LONRF2: variants seen among roughly 807,000 people sequenced by gnomAD.
LONRF2 encodes LON peptidase N-terminal domain and RING finger protein 2.
Under a neutral mutation model 66.6 loss-of-function variants are expected in LONRF2, and 35 were observed. The ratio of observed to expected loss-of-function variants is 0.53; its 90% CI spans 0.40 to 0.70. The LOEUF (loss-of-function observed/expected upper bound fraction) is 0.70, where lower values mean the gene tolerates loss of function less well. Ranked by LOEUF, LONRF2 falls within the 30% of genes least tolerant of loss-of-function variation. The pLI is 0.00. For missense variants in LONRF2, 902 were observed against 1,002.1 expected (o/e 0.90, Z 1.35); for synonymous variants, 417 against 418.1 (o/e 1.00, Z 0.03).
chr2:100,295,703 A>G, intron 7 of LONRF2, 150 bp from the exon 8 acceptor site: 1 of 692,830 alleles, frequency 1.4e-6, no homozygotes, highest in East Asian at 3.0e-5. Flanking sequence ...GCCAGCCTGT[A>G]ACAAGAGCAG....
chr2:100,314,704 G>C (rs1675471794), intron 1 of LONRF2, among the ~76,000 whole-genome samples: 1 of 152,170 alleles, frequency 6.6e-6, no homozygotes, highest in Non-Finnish European at 1.5e-5. Context: ...TATATGATGT[G>C]AGATAGGTAT....
chr2:100,297,459 G>T (rs1019610843), intron 7 of LONRF2, among the ~76,000 whole-genome samples: 2 of 152,104 alleles, frequency 1.3e-5, no homozygotes, highest in Non-Finnish European at 2.9e-5. Context: ...TTCTAGTGAC[G>T]ACCTCCAGCT....
intron 11 of LONRF2, 60 bp from the exon 12 acceptor site, chr2:100,284,552 C>T (rs1674806685): frequency 7.3e-7 from 1 of 1,376,186 alleles, no homozygotes; most frequent in Non-Finnish European, 9.6e-7. Context: ...TGTTCCCCAA[C>T]ACAGTCTTTT....
intron 7 of LONRF2, among the ~76,000 whole-genome samples, chr2:100,297,435 C>A (rs115061578): frequency 0.017 from 2,625 of 152,292 alleles, 66 homozygotes; most frequent in African/African-American, 0.059. Context: ...CTGCACCCGG[C>A]CAAGCAGCTT....
In LONRF2 at chr2:100,271,962, T is replaced by C. The variant is rs565763219; in HGVS notation, c.*12336A>G. ...CCAACAGTGCTGAAGGAGTTAAGATTAGTCACTGCATGAGGAAGCGGGAAA... is the reference window on the plus strand; with the variant it reads ...CCAACAGTGCTGAAGGAGTTAAGATCAGTCACTGCATGAGGAAGCGGGAAA... On this transcript the variant is annotated 3_prime_UTR_variant, in exon 12 of 12. Transcript: ENST00000393437. Among the ~76,000 whole-genome samples, 52 of 152,324 alleles carry C rather than the reference T, an allele frequency of 3.4e-4. No individual in the cohort carries two copies. The highest frequency in any genetic ancestry group is 1.2e-3 in the African/African-American group (49 of 41,576).
rs977759357 is a variant in LONRF2, at chr2:100,276,087, T to C, written c.*8211A>G. 1 of 152,218 alleles carries C rather than the reference T, an allele frequency of 6.6e-6. No homozygotes were observed. The highest frequency in any genetic ancestry group is 2.4e-5 in the African/African-American group (1 of 41,464). The allele number at this position is 152,218 out of a possible 1,614,324, so 9.4% of individuals were successfully genotyped here. A position where few individuals can be genotyped will look rare whatever the true frequency, so the allele number is the denominator to read the frequency against. ...CACTAAAAATGTATACAACAAATTA[T>C]ATACTAATATTACAAATAAATAAGA... On this transcript the variant is annotated 3_prime_UTR_variant, in exon 12 of 12. Coordinates refer to ENST00000393437, the MANE Select transcript of LONRF2 (RefSeq NM_198461.4).
intron 2 of LONRF2, among the ~76,000 whole-genome samples, chr2:100,308,599 G>A (rs1319252423): frequency 2.6e-5 from 4 of 151,942 alleles, no homozygotes; most frequent in African/African-American, 4.8e-5. Flanking sequence ...TATTAGATCC[G>A]CAAAGTTCGT....
rs1334331574 is a variant in LONRF2 at position 100,276,680 on chromosome 2, C to T, written c.*7618G>A. On this transcript the variant is annotated 3_prime_UTR_variant, in exon 12 of 12. Coordinates refer to ENST00000393437, the MANE Select transcript of LONRF2 (RefSeq NM_198461.4). The stretch of plus-strand genomic sequence containing the variant: ...TGTGCCTCATGGTGGATTACTACAA[C>T]CTTATTGCTGCAGTCCCATCCATTA... The T allele has an allele frequency of 6.6e-6, 1 of 152,136 alleles. No homozygotes were observed. Among genetic ancestry groups the T allele is most frequent in the African/African-American group, 2.4e-5 (1 of 41,388 alleles). The allele number at this position is 152,136 out of a possible 1,614,324, so 9.4% of individuals were successfully genotyped here.
intron 10 of LONRF2, among the ~76,000 whole-genome samples, chr2:100,288,282 G>A (rs1460054852): frequency 1.3e-5 from 2 of 152,158 alleles, no homozygotes; most frequent in African/African-American, 2.4e-5. Flanking sequence ...ACAGCAGCTG[G>A]AGGAGGCACA....
chr2:100,290,120 T>G, intron 10 of LONRF2, 138 bp downstream of exon 10: 1 of 734,688 alleles, frequency 1.4e-6, no homozygotes, highest in Non-Finnish European at 2.1e-6. Context: ...AATAAACAAA[T>G]AGATAAATAA....
chr2:100,285,603 A>G (rs1674829542), intron 11 of LONRF2, among the ~76,000 whole-genome samples: 3 of 152,150 alleles, frequency 2.0e-5, no homozygotes, highest in South Asian at 2.1e-4. Context: ...GATGGGCCCA[A>G]TGTGTTCATA....
chr2:100,311,459 C>G (rs559274823), intron 1 of LONRF2, among the ~76,000 whole-genome samples: 1 of 152,022 alleles, frequency 6.6e-6, no homozygotes, highest in South Asian at 2.1e-4. Context: ...GATCTCATAT[C>G]CTGTTTCCAC....
Position 100,272,365 on chromosome 2 carries a change from G to A in LONRF2, c.*11933C>T, listed in dbSNP as rs996256969. Among the ~76,000 whole-genome samples, 4 of 152,172 alleles carry A rather than the reference G, an allele frequency of 2.6e-5. No individual in the cohort carries two copies. The highest frequency in any genetic ancestry group is 4.8e-5 in the African/African-American group (2 of 41,520). The stretch of plus-strand genomic sequence containing the variant: ...AGTAAAAAAATTAGCCGGGTATAGC[G>A]GCATGCACCTGTGGTCCCAGCTACT... On this transcript the variant is annotated 3_prime_UTR_variant, in exon 12 of 12. Coordinates refer to ENST00000393437, the MANE Select transcript of LONRF2 (RefSeq NM_198461.4).
intron 2 of LONRF2, among the ~76,000 whole-genome samples, chr2:100,305,957 C>A (rs938850695): frequency 2.6e-5 from 4 of 152,098 alleles, no homozygotes; most frequent in Non-Finnish European, 5.9e-5. Context: ...GGTGCCATCT[C>A]GGCTCACTGC....
Position 100,282,172 on chromosome 2 carries a change from G to C in LONRF2, c.*2126C>G, listed in dbSNP as rs2309818. 6.6e-6 allele frequency: 1 copy of C among 152,188 alleles called. No homozygotes were observed. Among genetic ancestry groups the C allele is most frequent in the East Asian group, 1.9e-4 (1 of 5,192 alleles). The allele number at this position is 152,188 out of a possible 1,614,324, so 9.4% of individuals were successfully genotyped here. A position where few individuals can be genotyped will look rare whatever the true frequency, so the allele number is the denominator to read the frequency against. On this transcript the variant is annotated 3_prime_UTR_variant, in exon 12 of 12. Coordinates refer to ENST00000393437, the MANE Select transcript of LONRF2 (RefSeq NM_198461.4). ...TCAGACTTTTACATAACATGCCGAAGGAGAAGACTCAGAAAGCCAGGCAGA... is the reference window on the plus strand; with the variant it reads ...TCAGACTTTTACATAACATGCCGAACGAGAAGACTCAGAAAGCCAGGCAGA...
chr2:100,300,615 G>T, intron 4 of LONRF2, 29 bp downstream of exon 4: 1 of 1,580,738 alleles, frequency 6.3e-7, no homozygotes, highest in South Asian at 1.2e-5. Context: ...TTAATCAAGA[G>T]AATCCTGACA....
rs748121444 is a variant in LONRF2, at chr2:100,286,897, A to T, written c.2070+17T>A. 1 of 1,610,026 alleles carries T rather than the reference A, an allele frequency of 6.2e-7. No individual in the cohort carries two copies. The highest frequency in any genetic ancestry group is 1.3e-5 in the African/African-American group (1 of 74,760). The stretch of plus-strand genomic sequence containing the variant: ...GCAGGAAGTAACAGAATTATAAAGG[A>T]AAAAGGGAGGGCATACCTGAGGCTC... On this transcript the variant is annotated intron_variant, in intron 11 of 11. Coordinates refer to ENST00000393437, the MANE Select transcript of LONRF2 (RefSeq NM_198461.4).
intron 2 of LONRF2, among the ~76,000 whole-genome samples, chr2:100,304,628 T>G (rs1363603711): frequency 6.9e-6 from 1 of 145,842 alleles, no homozygotes; most frequent in Admixed American, 6.8e-5. Context: ...GTTGACTGTT[T>G]TTTTTTTTTT....
rs552004878 is a variant in LONRF2 at position 100,287,112 on chromosome 2, C to T, written c.1921-49G>A. The T allele has an allele frequency of 2.3e-5, 36 of 1,558,874 alleles. No individual in the cohort carries two copies. The East Asian group carries it at 2.5e-4, about 11-fold the overall frequency. On this transcript the variant is annotated intron_variant, in intron 10 of 11. Coordinates refer to ENST00000393437, the MANE Select transcript of LONRF2 (RefSeq NM_198461.4). The stretch of plus-strand genomic sequence containing the variant: ...TGTGTGAACCATTCACAGTAATGCA[C>T]GTAACACAGTCAGCGACCTCTGCAC...
Sources: gnomAD v4.1 joint callset for allele counts (sites outside exome capture counted in the v4.1 genomes callset) on GRCh38, gnomAD v4.1.1 for gene constraint, MANE v1.5 for transcripts, NCBI Gene and HGNC (gene_info 2026-07-23, HGNC 2026-07-21) for gene names.